Variants in AOPEP observed in about 807,000 individuals in gnomAD.
AOPEP encodes aminopeptidase O (putative), also known as aminopeptidase O.
A neutral mutation model predicts 98.1 loss-of-function variants in AOPEP; 77 were observed. That is an observed-to-expected ratio of 0.78 (90% CI 0.65 to 0.95). AOPEP has a LOEUF of 0.95. AOPEP is among the 40% of genes least tolerant of loss of function. The pLI is 0.00. For synonymous variants in AOPEP, 346 were observed against 365.3 expected (o/e 0.95, Z 0.60); for missense variants, 1,024 against 1,024.7 (o/e 1.00, Z 0.01).
In AOPEP at chr9:94,754,836, G is replaced by C. The variant is rs77458906; in HGVS notation, c.-135-4813G>C. Among the ~76,000 whole-genome samples the C allele has an allele frequency of 2.6e-4, 39 of 152,300 alleles. No homozygotes were observed. In the East Asian group the frequency reaches 5.2e-3, roughly 20 times the overall value. On this transcript the variant is annotated intron_variant, in intron 1 of 16. Transcript: ENST00000375315. The stretch of plus-strand genomic sequence containing the variant: ...TGTAGCTTGAAAGGAGAATGAAATT[G>C]TTTTCGTTGGGGTGATTGGGGATGG...
rs143297376 is a variant in AOPEP, at chr9:94,986,278, G to T, written c.1977+6851G>T. On this transcript the variant is annotated intron_variant, in intron 11 of 16. Coordinates refer to ENST00000375315, the MANE Select transcript of AOPEP (RefSeq NM_001193329.3). The stretch of plus-strand genomic sequence containing the variant: ...TTTTATAAGGACACCAGTTATATTG[G>T]GTTAGGGCCCACCAATATGACCTAA... Among the ~76,000 whole-genome samples, 34 of 152,188 alleles carry T rather than the reference G, an allele frequency of 2.2e-4. No individual in the cohort carries two copies. In the East Asian group the frequency reaches 6.2e-3, roughly 28 times the overall value.
At chr9:94,726,850 C>T (rs1254460689) in intron 1 of AOPEP, 99 bp downstream of exon 1, 1 of 152,346 alleles carries the variant, frequency 6.6e-6, no homozygotes, top group Non-Finnish European at 1.5e-5. Context: ...CGACGGGGAA[C>T]CCTCCCTTAC....
chr9:94,737,444 T>C (rs1411012477), intron 1 of AOPEP, among the ~76,000 whole-genome samples: 2 of 152,174 alleles, frequency 1.3e-5, no homozygotes, highest in African/African-American at 2.4e-5. Flanking sequence ...TCCACTATCT[T>C]TCAGTTCCTA....
chr9:95,056,682 A>G (rs779941511), intron 13 of AOPEP: 1 of 152,140 alleles, frequency 6.6e-6, no homozygotes, highest in South Asian at 2.1e-4. Flanking sequence ...AAACCATTCA[A>G]AGTCGTACAG....
chr9:94,832,412 A>G (rs184817096), intron 5 of AOPEP, among the ~76,000 whole-genome samples: 96 of 152,338 alleles, frequency 6.3e-4, no homozygotes, highest in African/African-American at 1.8e-3. Flanking sequence ...GAGTTTGACA[A>G]CGTACTCTCT....
the AOPEP span, among the ~76,000 whole-genome samples, chr9:95,098,110 G>A: frequency 6.6e-6 from 1 of 152,162 alleles, no homozygotes; most frequent in Non-Finnish European, 1.5e-5. Flanking sequence ...TGAATAAGGA[G>A]AACATTCCTC....
chr9:94,932,795 T>G, intron 7 of AOPEP: 1 of 985,430 alleles, frequency 1.0e-6, no homozygotes, highest in Non-Finnish European at 1.2e-6. Flanking sequence ...AGATGTTTCT[T>G]AGATTGACTT....
chr9:95,149,930 T>C, the AOPEP span: 14 of 1,602,050 alleles, frequency 8.7e-6, no homozygotes, highest in Non-Finnish European at 1.2e-5. Context: ...TACAGCAAAA[T>C]GGCCTCGTTT....
At chr9:95,114,806 C>G in the AOPEP span, 1 of 1,020,408 alleles carries the variant, frequency 9.8e-7, no homozygotes, top group Non-Finnish European at 1.6e-6. Flanking sequence ...CTTTGGGAGA[C>G]GCCCTTTACT....
intron 1 of AOPEP, among the ~76,000 whole-genome samples, chr9:94,733,708 G>C (rs574481044): frequency 6.6e-6 from 1 of 152,148 alleles, no homozygotes; most frequent in African/African-American, 2.4e-5. Flanking sequence ...TCAGTTGCCT[G>C]TTTAAATTTA....
intron 15 of AOPEP, among the ~76,000 whole-genome samples, chr9:95,082,330 G>A (rs557920598): frequency 2.8e-4 from 42 of 152,334 alleles, no homozygotes; most frequent in Middle Eastern, 3.4e-3. Context: ...CAGTGAAATC[G>A]TCAGAGTCTG....
chr9:95,057,061 G>A (rs1350661616), intron 13 of AOPEP, among the ~76,000 whole-genome samples: 1 of 152,194 alleles, frequency 6.6e-6, no homozygotes, highest in Non-Finnish European at 1.5e-5. Flanking sequence ...TTGCATTCCT[G>A]TCACTGTTGA....
chr9:94,791,068 A>G (rs1481619506), intron 3 of AOPEP, among the ~76,000 whole-genome samples: 2 of 152,182 alleles, frequency 1.3e-5, no homozygotes, highest in African/African-American at 2.4e-5. Context: ...GATATCCCAT[A>G]GCAAAGACAT....
At chr9:95,137,471 C>G in the AOPEP span, among the ~76,000 whole-genome samples, 11 of 152,226 alleles carry the variant, frequency 7.2e-5, no homozygotes, top group Middle Eastern at 6.8e-3. Flanking sequence ...CCGGCAGGCC[C>G]CGTTCCTCAT....
rs540947748 is a variant in AOPEP at position 94,727,866 on chromosome 9, T to C, written c.-136+1115T>C. Among the ~76,000 whole-genome samples the C allele has an allele frequency of 5.1e-4, 77 of 152,346 alleles. 1 individual carries two copies. Among genetic ancestry groups the C allele is most frequent in the African/African-American group, 1.8e-3 (74 of 41,572 alleles). ...ATCCCAGGTACTGTGTTCAACACTT[T>C]GCATATGTTTTCTCCTTACTTCATA... On this transcript the variant is annotated intron_variant, in intron 1 of 16. Coordinates refer to ENST00000375315, the MANE Select transcript of AOPEP (RefSeq NM_001193329.3).
the AOPEP span, among the ~76,000 whole-genome samples, chr9:95,118,413 G>A: frequency 6.6e-6 from 1 of 152,254 alleles, no homozygotes. Context: ...AAGGGGCACA[G>A]AAGCTTTTTT....
At chr9:94,967,682 C>T (rs2059291362) in intron 9 of AOPEP, 76 bp from the exon 10 acceptor site, 1 of 1,282,020 alleles carries the variant, frequency 7.8e-7, no homozygotes, top group South Asian at 1.2e-5. Flanking sequence ...GCTGGGAGCA[C>T]TCAGCCTCTG....
chr9:95,123,692 G>A, the AOPEP span: 9 of 675,296 alleles, frequency 1.3e-5, no homozygotes, highest in African/African-American at 7.1e-5. Flanking sequence ...TGAAGCGAGC[G>A]TCTTTGATGC....
At chr9:95,030,001 C>T (rs1304300510) in intron 13 of AOPEP, among the ~76,000 whole-genome samples, 1 of 152,160 alleles carries the variant, frequency 6.6e-6, no homozygotes, top group Non-Finnish European at 1.5e-5. Context: ...CATAAAGTAA[C>T]CAAGCTTTGT....
Sources: allele counts gnomAD v4.1 joint callset (sites outside exome capture counted in the v4.1 genomes callset), GRCh38; gene constraint gnomAD v4.1.1; transcripts MANE v1.5; gene names NCBI Gene and HGNC (gene_info 2026-07-23, HGNC 2026-07-21).